Variants in ITGA1 observed in about 807,000 individuals in gnomAD.
ITGA1 encodes the protein integrin alpha-1.
ITGA1 carries 85 observed loss-of-function variants against 145.9 expected under a neutral mutation model. The observed-to-expected ratio is 0.58, with a 90% CI of 0.49 to 0.70. The LOEUF (loss-of-function observed/expected upper bound fraction) is 0.70. Among genes scored for constraint, ITGA1 ranks in the 30% least tolerant of loss-of-function variants. The pLI is 0.00. For synonymous variants in ITGA1, 520 were observed against 495.3 expected, an observed-to-expected ratio of 1.05 and a Z score of -0.66; for missense variants, 1,351 against 1,418.7, an observed-to-expected ratio of 0.95 and a Z score of 0.77.
rs1429005483 is a variant in ITGA1 at position 52,788,221 on chromosome 5, C to T, written c.-133C>T. ...AAATCACTCCTCTCCCGCTCCTGGG[C>T]GCCGCTGCCACTGGGGCAGAGGACT... is the stretch of plus-strand genomic sequence containing the variant. On this transcript the variant is annotated 5_prime_UTR_variant, in exon 1 of 29. Coordinates refer to ENST00000282588, the MANE Select transcript of ITGA1 (RefSeq NM_181501.2). The T allele has an allele frequency of 5.2e-6, 3 of 573,298 alleles. No individual in the cohort carries two copies. The highest frequency in any genetic ancestry group is 4.3e-5 in the Admixed American group (1 of 23,304). 35.5% of individuals were successfully genotyped at this position (573,298 alleles called of 1,614,324 possible). A position where few individuals can be genotyped will look rare whatever the true frequency, so the allele number is the denominator to read the frequency against.
intron 1 of ITGA1, among the ~76,000 whole-genome samples, chr5:52,839,283 AAT>A (rs1491178137): frequency 6.6e-6 from 1 of 152,216 alleles, no homozygotes. Context: ...AAATTTCAAT[AAT>A]CTAAATAAAT....
chr5:52,800,108 C>G (rs552637414), intron 1 of ITGA1: 12 of 387,066 alleles, frequency 3.1e-5, no homozygotes, highest in South Asian at 2.4e-4. Context: ...TTCGTCAGCC[C>G]GCTGTTGCGT....
At chr5:52,944,870 TC>T in intron 26 of ITGA1, 72 bp from the exon 27 acceptor site, 1 of 996,744 alleles carries the variant, frequency 1.0e-6, no homozygotes. Flanking sequence ...TTTATAAATG[TC>T]CTACTCAAAC....
chr5:52,831,412 G>T (rs1749068265), intron 1 of ITGA1, among the ~76,000 whole-genome samples: 1 of 151,998 alleles, frequency 6.6e-6, no homozygotes, highest in South Asian at 2.1e-4. Context: ...GGGATTACAG[G>T]AGTGAGCCAC....
In ITGA1 at chr5:52,922,710, G is replaced by A; in HGVS notation, c.2293-67G>A. 6 of 977,948 alleles carry A rather than the reference G, an allele frequency of 6.1e-6. No homozygotes were observed. In the Middle Eastern group the frequency reaches 8.5e-4, roughly 138 times the overall value. The allele number at this position is 977,948 out of a possible 1,614,324, so 60.6% of individuals were successfully genotyped here. A position where few individuals can be genotyped will look rare whatever the true frequency, so the allele number is the denominator to read the frequency against. ...CTGACCCTTGGGAACAGAAGAAGGAGACATAACAAGATCAGAACACCCGGT... is the reference window on the plus strand; with the variant it reads ...CTGACCCTTGGGAACAGAAGAAGGAAACATAACAAGATCAGAACACCCGGT... On this transcript the variant is annotated intron_variant, in intron 17 of 28. Transcript: ENST00000282588.
intron 1 of ITGA1, among the ~76,000 whole-genome samples, chr5:52,791,405 A>C (rs550279353): frequency 9.2e-5 from 14 of 152,238 alleles, no homozygotes; most frequent in African/African-American, 3.4e-4. Context: ...TGGCCATTAG[A>C]CTGGAGTTGT....
intron 23 of ITGA1, among the ~76,000 whole-genome samples, chr5:52,936,735 G>A (rs931909197): frequency 1.3e-4 from 20 of 152,272 alleles, no homozygotes; most frequent in African/African-American, 4.8e-4. Context: ...ACTACTGGTA[G>A]CAGAACATGA....
intron 28 of ITGA1, among the ~76,000 whole-genome samples, chr5:52,951,005 A>G (rs558996941): frequency 3.0e-4 from 46 of 152,268 alleles, no homozygotes; most frequent in African/African-American, 1.0e-3. Context: ...TATTGTTTTC[A>G]TGTGTATTTG....
At chr5:52,922,159 G>C (rs1431351091) in intron 17 of ITGA1, among the ~76,000 whole-genome samples, 1 of 150,484 alleles carries the variant, frequency 6.6e-6, no homozygotes, top group Non-Finnish European at 1.5e-5. Context: ...AAATTAGCTG[G>C]GTGTGGTGGC....
chr5:52,905,961 A>G, intron 12 of ITGA1, 53 bp downstream of exon 12: 1 of 1,489,010 alleles, frequency 6.7e-7, no homozygotes, highest in Non-Finnish European at 9.2e-7. Flanking sequence ...TACTCTATGT[A>G]TATTTACTGT....
chr5:52,886,998 C>T (rs998830194), intron 7 of ITGA1, among the ~76,000 whole-genome samples: 1 of 152,100 alleles, frequency 6.6e-6, no homozygotes, highest in Non-Finnish European at 1.5e-5. Flanking sequence ...AGGATAGTCT[C>T]GATCTCTTGA....
rs1749657953 is a variant in ITGA1, at chr5:52,864,813, G to A, written c.346G>A (p.Gly116Arg). 1 of 1,612,726 alleles carries A rather than the reference G, an allele frequency of 6.2e-7. No individual in the cohort carries two copies. Among genetic ancestry groups the A allele is most frequent in the Non-Finnish European group, 8.5e-7 (1 of 1,179,038 alleles). The change falls in exon 4 of 29, where the codon GGA becomes AGA. Residue 116 changes from glycine to arginine, a missense_variant. By Grantham distance (125) the Gly-to-Arg change is moderately radical (BLOSUM62 -2). Coordinates refer to ENST00000282588, the MANE Select transcript of ITGA1 (RefSeq NM_181501.2). ...VTEVKENMTF[G>R]STLVTNPNGG... ...AGAAGTAAAGGAGAACATGACATTT[G>A]GATCAACTTTAGTCACCAACCCAAA... is the stretch of plus-strand genomic sequence containing the variant.
chr5:52,879,542 T>G (rs1441209322), intron 6 of ITGA1, among the ~76,000 whole-genome samples: 1 of 152,202 alleles, frequency 6.6e-6, no homozygotes, highest in African/African-American at 2.4e-5. Flanking sequence ...CAAGGATTAC[T>G]AATCAAAAAC....
At chr5:52,848,141 T>C (rs1294962612) in intron 1 of ITGA1, among the ~76,000 whole-genome samples, 2 of 152,178 alleles carry the variant, frequency 1.3e-5, no homozygotes, top group African/African-American at 4.8e-5. Context: ...AACACCAACA[T>C]TATAAGGAGG....
At chr5:52,869,352 G>T (rs1039037659) in intron 6 of ITGA1, among the ~76,000 whole-genome samples, 1 of 152,026 alleles carries the variant, frequency 6.6e-6, no homozygotes, top group Non-Finnish European at 1.5e-5. Context: ...GTAGAGATAG[G>T]GTTTCGCCAT....
chr5:52,881,955 C>A lies in ITGA1; in HGVS notation c.707C>A (p.Ala236Glu), dbSNP rs373052597. Residue 236 changes from alanine (A) to glutamate (E), a missense_variant, in exon 7 of 29, where the codon GCA becomes GAA. Ala to Glu is a moderately radical substitution (Grantham distance 107). Coordinates refer to ENST00000282588, the MANE Select transcript of ITGA1 (RefSeq NM_181501.2). ...KYSSTEEVLV[A>E]AKKIVQRGGR... is the part of the protein sequence containing the mutation. ...TCTTCCACCGAAGAGGTACTTGTTG[C>A]AGCAAAGAAAATAGTCCAGAGAGGT... The A allele has an allele frequency of 3.1e-6, 5 of 1,613,696 alleles. No homozygotes were observed. Among genetic ancestry groups the A allele is most frequent in the Non-Finnish European group, 3.4e-6 (4 of 1,179,772 alleles).
chr5:52,893,954 T>G lies in ITGA1; in HGVS notation c.1090+114T>G, dbSNP rs1579703153. The G allele has an allele frequency of 8.2e-6, 6 of 734,138 alleles. No individual in the cohort carries two copies. In the East Asian group the frequency reaches 1.6e-4, roughly 19 times the overall value. The allele number at this position is 734,138 out of a possible 1,614,324, so 45.5% of individuals were successfully genotyped here. On this transcript the variant is annotated intron_variant, in intron 9 of 28. Transcript: ENST00000282588. ...TAATACTTTTTTTTTTTTTTTACTGTGTACAATATCTAGCATGGAACAATG... is the reference window on the plus strand; with the variant it reads ...TAATACTTTTTTTTTTTTTTTACTGGGTACAATATCTAGCATGGAACAATG...
chr5:52,813,257 A>G (rs540000691), intron 1 of ITGA1, among the ~76,000 whole-genome samples: 2 of 152,262 alleles, frequency 1.3e-5, no homozygotes, highest in African/African-American at 4.8e-5. Context: ...TAAACTTCCA[A>G]TCAAGTAAAA....
At position 52,871,712 on chromosome 5, in the gene ITGA1, G is replaced by A. The variant is rs144730085; in HGVS notation, c.624+5895G>A. On this transcript the variant is annotated intron_variant, in intron 6 of 28. Coordinates refer to ENST00000282588, the MANE Select transcript of ITGA1 (RefSeq NM_181501.2). ...ATACATTAGGGAAATACAACACAAC[G>A]ATGGAAACATTCACTCTAAAGAGTT... Among the ~76,000 whole-genome samples, 441 of 140,860 alleles carry A rather than the reference G, an allele frequency of 3.1e-3. 3 individuals are homozygous for A. The highest frequency in any genetic ancestry group is 0.012 in the African/African-American group (420 of 36,066). The allele number at this position is 140,860 out of a possible 152,430, so 92.4% of individuals were successfully genotyped here. A position where few individuals can be genotyped will look rare whatever the true frequency, so the allele number is the denominator to read the frequency against.
Sources: allele counts gnomAD v4.1 joint callset (sites outside exome capture counted in the v4.1 genomes callset), GRCh38; gene constraint gnomAD v4.1.1; transcripts MANE v1.5; gene names NCBI Gene and HGNC (gene_info 2026-07-23, HGNC 2026-07-21).